The following CUBN variants were observed in gnomAD, a reference collection of about 807,000 sequenced individuals.
CUBN encodes the protein cubilin, also known as 460 kDa receptor.
In CUBN, 282 loss-of-function variants were observed where a neutral mutation model predicts 405.3. The observed-to-expected ratio is 0.70, with a 90% CI of 0.63 to 0.77. The LOEUF is 0.77. CUBN is among the 30% of genes least tolerant of loss of function. The pLI, the probability that CUBN is intolerant of heterozygous loss-of-function variation, is 0.00. For synonymous variants in CUBN, 1,684 were observed against 1,617.0 expected, an observed-to-expected ratio of 1.04 and a Z score of -0.99; for missense variants, 4,514 against 4,475.2, an observed-to-expected ratio of 1.01 and a Z score of -0.25.
In CUBN at chr10:17,082,188, G is replaced by A. The variant is rs1835988710; in HGVS notation, c.2301+2083C>T. Among the ~76,000 whole-genome samples, 5 of 151,974 alleles carry A rather than the reference G, an allele frequency of 3.3e-5. No homozygotes were observed. In the South Asian group the frequency reaches 1.0e-3, roughly 32 times the overall value. On this transcript the variant is annotated intron_variant, in intron 17 of 66. Transcript: ENST00000377833. Reference sequence around the variant, plus strand: ...GCTTCTTTTTATCATTTATTTCCTTGATTCTACCCCCAAAGTTTAGAGAAA... The same window carrying A: ...GCTTCTTTTTATCATTTATTTCCTTAATTCTACCCCCAAAGTTTAGAGAAA...
chr10:17,111,100 A>C (rs1394204684), intron 8 of CUBN, 50 bp from the exon 9 acceptor site: 1 of 1,601,354 alleles, frequency 6.2e-7, no homozygotes, highest in East Asian at 2.2e-5. Context: ...CAAGTCAACA[A>C]GGAAGAAATA....
At chr10:16,928,077 T>A in intron 41 of CUBN, 80 bp downstream of exon 41, 1 of 1,502,318 alleles carries the variant, frequency 6.7e-7, no homozygotes, top group Non-Finnish European at 9.2e-7. Flanking sequence ...CCCAAAAACA[T>A]TATATTAGGA....
chr10:16,950,417 C>G (rs1386068048), intron 33 of CUBN, among the ~76,000 whole-genome samples: 1 of 151,894 alleles, frequency 6.6e-6, no homozygotes, highest in Non-Finnish European at 1.5e-5. Context: ...TCTCATGTAC[C>G]CCATACATAT....
chr10:16,859,664 G>A (rs1016004658), intron 59 of CUBN, among the ~76,000 whole-genome samples: 6 of 151,912 alleles, frequency 3.9e-5, no homozygotes, highest in African/African-American at 1.2e-4. Context: ...AGTCATTTTC[G>A]AAAAACAAAA....
At chr10:17,054,327 G>A (rs549938834) in intron 22 of CUBN, among the ~76,000 whole-genome samples, 788 of 78,088 alleles carry the variant, frequency 0.01, 5 homozygotes, top group Non-Finnish European at 0.014. Context: ...GTGAAACTCC[G>A]TCTCAAAAAA....
intron 14 of CUBN, 43 bp from the exon 15 acceptor site, chr10:17,088,388 T>C (rs1836175942): frequency 6.6e-7 from 1 of 1,517,172 alleles, no homozygotes; most frequent in East Asian, 2.3e-5. Context: ...GTATAGATGC[T>C]ATAATTTATG....
chr10:17,111,927 C>A (rs1009767168), intron 8 of CUBN, among the ~76,000 whole-genome samples: 1 of 152,122 alleles, frequency 6.6e-6, no homozygotes, highest in East Asian at 1.9e-4. Context: ...AAAACAAAAA[C>A]AAACTGTTAA....
intron 28 of CUBN, among the ~76,000 whole-genome samples, chr10:16,994,501 C>A (rs535720236): frequency 6.6e-5 from 10 of 151,922 alleles, no homozygotes; most frequent in African/African-American, 2.2e-4. Context: ...GTCATATTTG[C>A]GACTCTGGAT....
chr10:16,881,660 T>C (rs1840668243), intron 56 of CUBN, among the ~76,000 whole-genome samples: 1 of 152,240 alleles, frequency 6.6e-6, no homozygotes, highest in South Asian at 2.1e-4. Context: ...GATTAAAACA[T>C]TCTTGTATCC....
rs1842815975 is a variant in CUBN at position 16,947,367 on chromosome 10, G to A, written c.5210C>T (p.Ala1737Val). ...AGCCATGTAGAACGTTCCACCACAA[G>A]CTGGAAGAAAATAGAAATAAAGTGA... ...FHTTVTASVSACGGTFYMAEG... is the reference protein window; with the variant it reads ...FHTTVTASVSVCGGTFYMAEG... The change falls in exon 36 of 67, where the codon GCT (alanine) becomes GTT (valine). Residue 1737 changes from alanine (A) to valine (V), a missense_variant and splice_region_variant. Physicochemically the swap from Ala to Val is moderately conservative, Grantham distance 64 (BLOSUM62 0). Around this residue, in one of 5 missense-constraint regions of CUBN, gnomAD observed 1,613 missense variants for 1,542.8 expected, o/e 1.05. Coordinates refer to ENST00000377833, the MANE Select transcript of CUBN (RefSeq NM_001081.4). 1 of 1,613,886 alleles carries A rather than the reference G, an allele frequency of 6.2e-7. No individual in the cohort carries two copies.
intron 31 of CUBN, among the ~76,000 whole-genome samples, chr10:16,981,019 T>C (rs910610348): frequency 2.0e-5 from 3 of 152,030 alleles, no homozygotes; most frequent in Non-Finnish European, 4.4e-5. Flanking sequence ...GGAAAATGCT[T>C]GGTAGAAGAG....
intron 31 of CUBN, among the ~76,000 whole-genome samples, chr10:16,964,360 C>A (rs1472143753): frequency 6.6e-6 from 1 of 151,710 alleles, no homozygotes; most frequent in East Asian, 1.9e-4. Context: ...CATTGACTAG[C>A]CAAAGAAACT....
chr10:16,844,255 G>A (rs1839442238), intron 60 of CUBN, among the ~76,000 whole-genome samples: 1 of 131,882 alleles, frequency 7.6e-6, no homozygotes, highest in South Asian at 2.5e-4. Context: ...GGCGACAAGA[G>A]CGAAACTCTG....
chr10:17,073,354 C>G (rs1035573779), intron 17 of CUBN, among the ~76,000 whole-genome samples: 5 of 150,104 alleles, frequency 3.3e-5, no homozygotes, highest in African/African-American at 1.2e-4. Context: ...TCCATAAATT[C>G]AAAAAACATT....
chr10:17,004,254 A>G (rs1833959933), intron 28 of CUBN, among the ~76,000 whole-genome samples: 1 of 152,242 alleles, frequency 6.6e-6, no homozygotes, highest in Non-Finnish European at 1.5e-5. Context: ...CTAACTGATC[A>G]TGCTCAGCTT....
chr10:17,032,848 C>T (rs117083569), intron 27 of CUBN, among the ~76,000 whole-genome samples: 3 of 152,266 alleles, frequency 2.0e-5, no homozygotes, highest in Non-Finnish European at 2.9e-5. Context: ...TGGTGGTTTT[C>T]CCTGCGTCCA....
intron 27 of CUBN, among the ~76,000 whole-genome samples, chr10:17,033,386 T>C (rs1834825112): frequency 1.3e-5 from 2 of 152,204 alleles, no homozygotes; most frequent in South Asian, 4.1e-4. Context: ...TAAATTTTTA[T>C]TGTGTGATAA....
intron 34 of CUBN, 27 bp from the exon 35 acceptor site, chr10:16,948,633 G>T (rs140425035): frequency 6.2e-7 from 1 of 1,612,712 alleles, no homozygotes; most frequent in Non-Finnish European, 8.5e-7. Flanking sequence ...ATGACAAGGA[G>T]AATGAATGAC....
chr10:16,853,650 T>C (rs1839784407), intron 59 of CUBN, among the ~76,000 whole-genome samples: 1 of 152,236 alleles, frequency 6.6e-6, no homozygotes, highest in Non-Finnish European at 1.5e-5. Context: ...CAGTCCCTGA[T>C]ATATTCACAG....
Sources: gnomAD v4.1 joint callset for allele counts (sites outside exome capture counted in the v4.1 genomes callset) on GRCh38, gnomAD v4.1.1 for gene constraint, gnomAD v4.1.1 regional missense constraint, MANE v1.5 for transcripts, NCBI Gene and HGNC (gene_info 2026-07-23, HGNC 2026-07-21) for gene names.